FOXP2: variants seen among roughly 807,000 people sequenced by gnomAD.
The protein encoded by FOXP2 is forkhead box protein P2.
FOXP2 carries 12 observed loss-of-function variants against 115.8 expected under a neutral mutation model. The observed-to-expected ratio is 0.10, with a 90% CI of 0.07 to 0.17. FOXP2 has a LOEUF of 0.17. Ranked by LOEUF, FOXP2 falls within the 10% of genes least tolerant of loss-of-function variation. The pLI is 1.00. For synonymous variants in FOXP2, 328 were observed against 297.7 expected (o/e 1.10, Z -1.05); for missense variants, 629 against 843.5 (o/e 0.75, Z 3.15).
At chr7:114,252,857 C>T (rs1211175329) in intron 1 of FOXP2, among the ~76,000 whole-genome samples, 1 of 152,132 alleles carries the variant, frequency 6.6e-6, no homozygotes, top group Admixed American at 6.5e-5. Flanking sequence ...TTTGCTCTTG[C>T]TTCTCTAGTT....
exon 1 of FOXP2, chr7:114,087,752 G>C (rs1007999205): frequency 4.0e-5 from 6 of 151,782 alleles, no homozygotes; most frequent in African/African-American, 1.4e-4. Context: ...CCTCAGTGTG[G>C]ACCCTCACTT....
intron 2 of FOXP2, among the ~76,000 whole-genome samples, chr7:114,316,508 G>T (rs1053247711): frequency 6.6e-6 from 1 of 152,152 alleles, no homozygotes; most frequent in African/African-American, 2.4e-5. Flanking sequence ...GTGATGATAT[G>T]CACCATAAAG....
intron 2 of FOXP2, among the ~76,000 whole-genome samples, chr7:114,476,479 G>A (rs1276036979): frequency 6.6e-6 from 1 of 151,848 alleles, no homozygotes; most frequent in Non-Finnish European, 1.5e-5. Flanking sequence ...ATTGTTCTAC[G>A]TGTCTGTTTT....
intron 3 of FOXP2, among the ~76,000 whole-genome samples, chr7:114,584,948 T>C (rs1802058434): frequency 6.6e-6 from 1 of 152,240 alleles, no homozygotes; most frequent in Non-Finnish European, 1.5e-5. Context: ...GTGGGTACTT[T>C]AAAAAGCAAT....
intron 2 of FOXP2, among the ~76,000 whole-genome samples, chr7:114,449,887 A>T (rs1794996437): frequency 6.6e-6 from 1 of 152,130 alleles, no homozygotes; most frequent in Admixed American, 6.6e-5. Context: ...GAATCCATAT[A>T]AATGTCATTA....
At chr7:114,413,174 T>A (rs1176003644), upstream of FOXP2, among the ~76,000 whole-genome samples, 1 of 152,140 alleles carries the variant, frequency 6.6e-6, no homozygotes, top group Non-Finnish European at 1.5e-5. Flanking sequence ...TATCCTTTAT[T>A]TCCTCTGGAG....
chr7:114,348,292 C>T (rs1445432480), intron 2 of FOXP2, among the ~76,000 whole-genome samples: 1 of 152,006 alleles, frequency 6.6e-6, no homozygotes, highest in Admixed American at 6.6e-5. Context: ...CTAAGCTCAC[C>T]AAGCTCACCA....
At chr7:114,354,786 CAT>C (rs1482468506) in intron 2 of FOXP2, among the ~76,000 whole-genome samples, 11 of 152,034 alleles carry the variant, frequency 7.2e-5, no homozygotes, top group Non-Finnish European at 1.3e-4. Context: ...TTTGAAATCA[CAT>C]ATATGTGAAA....
chr7:114,479,757 A>G (rs1796441107), intron 2 of FOXP2, among the ~76,000 whole-genome samples: 2 of 151,698 alleles, frequency 1.3e-5, no homozygotes, highest in South Asian at 2.1e-4. Context: ...AAATAAATAT[A>G]TAGTAAATTT....
At chr7:114,392,173 T>C (rs985862712) in intron 2 of FOXP2, among the ~76,000 whole-genome samples, 5 of 152,224 alleles carry the variant, frequency 3.3e-5, no homozygotes, top group Non-Finnish European at 5.9e-5. Flanking sequence ...TTCCAGTAGA[T>C]ATAATGGAGA....
At chr7:114,508,188 A>G (rs2189015) in intron 2 of FOXP2, among the ~76,000 whole-genome samples, 100,932 of 151,786 alleles carry the variant, frequency 0.66, 34,704 homozygotes, top group African/African-American at 0.85. Flanking sequence ...TTTTCTGCTT[A>G]GAAAAAAGTC....
chr7:114,514,790 A>T (rs1030794631), intron 2 of FOXP2, among the ~76,000 whole-genome samples: 20 of 151,666 alleles, frequency 1.3e-4, no homozygotes, highest in African/African-American at 4.9e-4. Context: ...ATATGTATAC[A>T]TGTGCCATGC....
intron 3 of FOXP2, among the ~76,000 whole-genome samples, chr7:114,570,334 G>A (rs546158830): frequency 1.3e-5 from 2 of 151,898 alleles, no homozygotes; most frequent in Admixed American, 6.6e-5. Context: ...TATTGTGATT[G>A]TTCTCACATG....
At chr7:114,162,179 C>G (rs1425119583), upstream of FOXP2, among the ~76,000 whole-genome samples, 8 of 152,082 alleles carry the variant, frequency 5.3e-5, no homozygotes, top group Non-Finnish European at 1.2e-4. Context: ...AACAAATTCT[C>G]TTAAACTTAT....
rs540739840 is a variant in FOXP2 at position 114,288,672 on chromosome 7, T to C, written c.-11+563T>C. 2.8e-4 allele frequency among the ~76,000 whole-genome samples: 42 copies of C among 151,954 alleles called. 1 individual carries two copies. The highest frequency in any genetic ancestry group is 9.4e-4 in the African/African-American group (39 of 41,548). On this transcript the variant is annotated intron_variant, in intron 2 of 17. Coordinates refer to the FOXP2 transcript ENST00000634411. Reference sequence around the variant, plus strand: ...TGTTGAGTATCTTTAAATCTCATGATAGTTTTCTTTGATATGTACAATGTT... The same window carrying C: ...TGTTGAGTATCTTTAAATCTCATGACAGTTTTCTTTGATATGTACAATGTT...
At chr7:114,324,717 T>C (rs1030286088) in intron 2 of FOXP2, among the ~76,000 whole-genome samples, 1 of 151,938 alleles carries the variant, frequency 6.6e-6, no homozygotes, top group African/African-American at 2.4e-5. Flanking sequence ...ATTTTACCTT[T>C]ATACTCTATC....
At chr7:114,553,176 A>G (rs1048008510) in intron 3 of FOXP2, among the ~76,000 whole-genome samples, 3 of 152,170 alleles carry the variant, frequency 2.0e-5, no homozygotes, top group Admixed American at 6.5e-5. Flanking sequence ...ATGGAAACGA[A>G]TATAGAGCTG....
intron 16 of FOXP2, among the ~76,000 whole-genome samples, chr7:114,686,444 A>G (rs887993205): frequency 2.0e-5 from 3 of 152,216 alleles, no homozygotes; most frequent in Admixed American, 1.3e-4. Context: ...AAGTGCTGGG[A>G]TAACAGGAGT....
chr7:114,298,613 T>C (rs1280441769), intron 2 of FOXP2, among the ~76,000 whole-genome samples: 1 of 152,136 alleles, frequency 6.6e-6, no homozygotes, highest in African/African-American at 2.4e-5. Context: ...CTCAGAAAAG[T>C]TAAATAATTT....
Sources: allele counts gnomAD v4.1 joint callset (sites outside exome capture counted in the v4.1 genomes callset), GRCh38; gene constraint gnomAD v4.1.1; transcripts MANE v1.5; gene names NCBI Gene and HGNC (gene_info 2026-07-23, HGNC 2026-07-21).